Variants in DEPTOR observed in about 807,000 individuals in gnomAD.
DEPTOR encodes DEP domain containing MTOR interacting protein.
Under a neutral mutation model 41.6 loss-of-function variants are expected in DEPTOR, and 41 were observed. The observed-to-expected ratio is 0.98, with a 90% CI of 0.77 to 1.28. The LOEUF (loss-of-function observed/expected upper bound fraction) is 1.28, where lower values mean the gene tolerates loss of function less well. Among genes scored for constraint, DEPTOR ranks in the 50% most tolerant of loss-of-function variants. The pLI, the probability that DEPTOR is intolerant of heterozygous loss-of-function variation, is 0.00. For synonymous variants in DEPTOR, 195 were observed against 192.3 expected (o/e 1.01, Z -0.12); for missense variants, 514 against 527.9 (o/e 0.97, Z 0.26).
chr8:119,954,053 G>A (rs999372837), intron 3 of DEPTOR, among the ~76,000 whole-genome samples: 1 of 150,808 alleles, frequency 6.6e-6, no homozygotes, highest in South Asian at 2.1e-4. Context: ...TGATCCACCC[G>A]CCTTGGCCTC....
At chr8:120,015,885 A>C (rs1026793344) in intron 8 of DEPTOR, among the ~76,000 whole-genome samples, 1 of 151,974 alleles carries the variant, frequency 6.6e-6, no homozygotes, top group Non-Finnish European at 1.5e-5. Flanking sequence ...TTAATATGCA[A>C]ATGCAGGGCA....
chr8:119,943,207 G>T (rs982827703), intron 3 of DEPTOR, among the ~76,000 whole-genome samples: 1 of 152,170 alleles, frequency 6.6e-6, no homozygotes, highest in African/African-American at 2.4e-5. Context: ...TGGGGTGAGC[G>T]TATTTATTCC....
rs187000472 is a variant in DEPTOR, at chr8:119,965,222, T to G, written c.426-10T>G. The G allele has an allele frequency of 6.3e-7, 1 of 1,598,810 alleles. No homozygotes were observed. The highest frequency in any genetic ancestry group is 2.2e-5 in the East Asian group (1 of 44,764). ...AGGTTTACTTTTCTTTTCCCTTTTT[T>G]TCTTCCCAGGCTGATGAGCCCTGAA... On this transcript the variant is annotated splice_polypyrimidine_tract_variant and intron_variant, in intron 3 of 8. Transcript: ENST00000286234.
At chr8:119,882,456 A>G (rs1294870122) in intron 1 of DEPTOR, among the ~76,000 whole-genome samples, 2 of 151,790 alleles carry the variant, frequency 1.3e-5, no homozygotes, top group Non-Finnish European at 2.9e-5. Context: ...GTGCAGTGGC[A>G]TGATCCTGGC....
chr8:120,001,541 A>T lies in DEPTOR; in HGVS notation c.621A>T (p.Pro207=). 1 of 1,609,482 alleles carries T rather than the reference A, an allele frequency of 6.2e-7. No individual in the cohort carries two copies. Among genetic ancestry groups the T allele is most frequent in the South Asian group, 1.1e-5 (1 of 90,506 alleles). Residue 207 remains proline (P), a synonymous_variant, in exon 5 of 9, where the codon CCA becomes CCT. Transcript: ENST00000286234. ...GIIQHVSNKH[P]FVDSNLLYQF... ...TCTCCCCAGTGTCCAACAAGCACCCATTTGTGGACAGCAATCTTCTCTACC... is the reference window on the plus strand; with the variant it reads ...TCTCCCCAGTGTCCAACAAGCACCCTTTTGTGGACAGCAATCTTCTCTACC...
At chr8:119,916,364 ACCCACCTGGGCCT>A (rs1429483768) in intron 1 of DEPTOR, among the ~76,000 whole-genome samples, 2 of 140,612 alleles carry the variant, frequency 1.4e-5, no homozygotes, top group African/African-American at 5.5e-5. Context: ...CAAGTGATCC[ACCCACCTGGGCCT>A]CCCAAAATGC....
intron 1 of DEPTOR, among the ~76,000 whole-genome samples, chr8:119,914,465 A>C (rs2129797224): frequency 6.6e-6 from 1 of 150,474 alleles, no homozygotes; most frequent in Admixed American, 6.6e-5. Context: ...TTTGAGATGA[A>C]GTTTCACTCT....
chr8:120,032,544 G>T (rs968844413), intron 8 of DEPTOR, among the ~76,000 whole-genome samples: 3 of 152,074 alleles, frequency 2.0e-5, no homozygotes, highest in African/African-American at 7.2e-5. Flanking sequence ...ATTCCTGAAG[G>T]TTCCCGAGTG....
At chr8:119,994,792 C>G (rs1325482125) in intron 4 of DEPTOR, among the ~76,000 whole-genome samples, 1 of 151,738 alleles carries the variant, frequency 6.6e-6, no homozygotes, top group African/African-American at 2.4e-5. Flanking sequence ...TGGTGCACGC[C>G]TGTAGTCTCA....
intron 3 of DEPTOR, among the ~76,000 whole-genome samples, chr8:119,957,754 A>G (rs1239790178): frequency 6.6e-6 from 1 of 151,962 alleles, no homozygotes; most frequent in Non-Finnish European, 1.5e-5. Flanking sequence ...ATGCCCGGCT[A>G]ATTTTTGTAT....
At position 119,929,686 on chromosome 8, in the gene DEPTOR, T is replaced by C; in HGVS notation, c.302-129T>C. ...ACTATTTTACAAGTATTAGCTCATA[T>C]GGTACATATTTGCATGCATGAAGAA... On this transcript the variant is annotated intron_variant, in intron 2 of 8. Coordinates refer to ENST00000286234, the MANE Select transcript of DEPTOR (RefSeq NM_022783.4). 9 of 1,235,198 alleles carry C rather than the reference T, an allele frequency of 7.3e-6. No individual in the cohort carries two copies. The South Asian group carries it at 1.4e-4, about 20-fold the overall frequency. The allele number at this position is 1,235,198 out of a possible 1,614,324, so 76.5% of individuals were successfully genotyped here.
chr8:120,015,699 CAG>C (rs1812598398), intron 8 of DEPTOR, among the ~76,000 whole-genome samples: 1 of 152,100 alleles, frequency 6.6e-6, no homozygotes, highest in East Asian at 1.9e-4. Flanking sequence ...CGTACAGAGA[CAG>C]AGGGAGGGGG....
intron 1 of DEPTOR, 67 bp from the exon 2 acceptor site, chr8:119,928,333 C>G: frequency 6.6e-7 from 1 of 1,523,000 alleles, no homozygotes. Flanking sequence ...TTATTACTGT[C>G]TGGGATTGGT....
intron 1 of DEPTOR, among the ~76,000 whole-genome samples, chr8:119,894,232 TTTG>T (rs779307980): frequency 2.6e-4 from 40 of 151,444 alleles, no homozygotes; most frequent in Non-Finnish European, 5.2e-4. Context: ...TAATTAAAAA[TTTG>T]TTGTTGTTGT....
intron 8 of DEPTOR, among the ~76,000 whole-genome samples, chr8:120,013,093 G>T (rs183232245): frequency 6.7e-6 from 1 of 149,170 alleles, no homozygotes; most frequent in African/African-American, 2.5e-5. Flanking sequence ...GGAGGCAGAG[G>T]TTGTAGTGAG....
At chr8:119,991,125 T>A (rs865820321) in intron 4 of DEPTOR, among the ~76,000 whole-genome samples, 10 of 140,914 alleles carry the variant, frequency 7.1e-5, no homozygotes, top group Admixed American at 4.5e-4. Context: ...TCTTTTTTTT[T>A]TAAATCTTTT....
At chr8:119,901,088 G>A (rs1014007204) in intron 1 of DEPTOR, among the ~76,000 whole-genome samples, 3 of 152,254 alleles carry the variant, frequency 2.0e-5, no homozygotes, top group Middle Eastern at 3.4e-3. Flanking sequence ...CTGTGCTTTG[G>A]AATCTACATT....
intron 1 of DEPTOR, among the ~76,000 whole-genome samples, chr8:119,878,973 G>A (rs1827263288): frequency 6.6e-6 from 1 of 151,812 alleles, no homozygotes; most frequent in African/African-American, 2.4e-5. Flanking sequence ...AGCCAGGCGT[G>A]GTGGCACATG....
At chr8:119,970,582 T>A (rs1466249157) in intron 4 of DEPTOR, among the ~76,000 whole-genome samples, 1 of 152,180 alleles carries the variant, frequency 6.6e-6, no homozygotes, top group African/African-American at 2.4e-5. Flanking sequence ...CTTATAACTT[T>A]CCCATTCCTC....
Sources: gnomAD v4.1 joint callset for allele counts (sites outside exome capture counted in the v4.1 genomes callset) on GRCh38, gnomAD v4.1.1 for gene constraint, MANE v1.5 for transcripts, NCBI Gene and HGNC (gene_info 2026-07-23, HGNC 2026-07-21) for gene names.